Variants in SENP7 observed in about 807,000 individuals in gnomAD.
SENP7 encodes the protein sentrin-specific protease 7.
SENP7 carries 64 observed loss-of-function variants against 141.2 expected under a neutral mutation model. The ratio of observed to expected loss-of-function variants is 0.45; its 90% CI spans 0.37 to 0.56. The LOEUF is 0.56. Ranked by LOEUF, SENP7 falls within the 20% of genes least tolerant of loss-of-function variation. SENP7 has a pLI of 0.00. For missense variants in SENP7, 1,025 were observed against 1,212.2 expected, an observed-to-expected ratio of 0.85 and a Z score of 2.29; for synonymous variants, 382 against 426.4, an observed-to-expected ratio of 0.90 and a Z score of 1.28.
At chr3:101,438,430 T>C (rs1269867626) in intron 4 of SENP7, among the ~76,000 whole-genome samples, 1 of 151,910 alleles carries the variant, frequency 6.6e-6, no homozygotes, top group African/African-American at 2.4e-5. Flanking sequence ...GAGGGAGAAA[T>C]GGGAATTTAT....
intron 6 of SENP7, among the ~76,000 whole-genome samples, chr3:101,385,058 A>T (rs1199571890): frequency 6.6e-6 from 1 of 152,242 alleles, no homozygotes; most frequent in Non-Finnish European, 1.5e-5. Flanking sequence ...CTTATCAAAA[A>T]AAGTTTAATC....
At chr3:101,499,399 C>T (rs1266642908) in intron 2 of SENP7, among the ~76,000 whole-genome samples, 4 of 152,100 alleles carry the variant, frequency 2.6e-5, no homozygotes, top group Admixed American at 1.3e-4. Context: ...GACAGAGTCT[C>T]GCTCTGTCAC....
chr3:101,334,815 A>C (rs886459085), intron 17 of SENP7, among the ~76,000 whole-genome samples: 1 of 152,222 alleles, frequency 6.6e-6, no homozygotes, highest in African/African-American at 2.4e-5. Flanking sequence ...AGAATATATT[A>C]GACATAGAAT....
Position 101,386,185 on chromosome 3 carries a change from G to A in SENP7, c.677+12676C>T, listed in dbSNP as rs928502895. Among the ~76,000 whole-genome samples, 7 of 152,242 alleles carry A rather than the reference G, an allele frequency of 4.6e-5. No individual in the cohort carries two copies. In the South Asian group the frequency reaches 1.5e-3, roughly 32 times the overall value. ...AAAAATAACACTGTAATTCAGCAGA[G>A]AACTGACAGGGAATCTCTCAGGCAC... On this transcript the variant is annotated intron_variant, in intron 6 of 23. Coordinates refer to ENST00000394095, the MANE Select transcript of SENP7 (RefSeq NM_020654.5).
At chr3:101,335,682 T>C (rs973502906) in intron 17 of SENP7, among the ~76,000 whole-genome samples, 1 of 152,184 alleles carries the variant, frequency 6.6e-6, no homozygotes, top group Non-Finnish European at 1.5e-5. Flanking sequence ...AAGGTGAGTA[T>C]ACAAAATTCA....
chr3:101,343,617 C>A (rs1035000622), intron 14 of SENP7, 69 bp downstream of exon 14: 11 of 1,477,114 alleles, frequency 7.4e-6, no homozygotes, highest in Non-Finnish European at 9.1e-6. Flanking sequence ...TGAAAGCAGC[C>A]TAATATCAAT....
At chr3:101,495,889 C>T (rs1172823259) in intron 2 of SENP7, among the ~76,000 whole-genome samples, 3 of 152,122 alleles carry the variant, frequency 2.0e-5, no homozygotes, top group African/African-American at 7.2e-5. Flanking sequence ...GTACCCCGAG[C>T]TTAAATAAAA....
intron 2 of SENP7, among the ~76,000 whole-genome samples, chr3:101,497,063 A>C (rs987876380): frequency 2.0e-5 from 3 of 152,232 alleles, no homozygotes; most frequent in African/African-American, 7.2e-5. Flanking sequence ...ACACTAACAC[A>C]ACTTTATATA....
chr3:101,424,352 T>C (rs2061885901), intron 4 of SENP7, among the ~76,000 whole-genome samples: 1 of 139,826 alleles, frequency 7.2e-6, no homozygotes, highest in African/African-American at 2.7e-5. Context: ...GATGTATATG[T>C]GTGCAGGAGG....
In SENP7 at chr3:101,366,511, C is replaced by G; in HGVS notation, c.1237G>C (p.Glu413Gln). The change falls in exon 9 of 24, where the codon GAG becomes CAG. Residue 413 changes from glutamate to glutamine, a missense_variant. By Grantham distance (29) the Glu-to-Gln change is conservative. Around this residue, in one of 4 missense-constraint regions of SENP7, gnomAD observed 496 missense variants for 503.5 expected, o/e 0.99. Transcript: ENST00000394095. ...VGISSLVEKD[E>Q]NELNTIEKPI... ...TTTTCTATGGTATTCAACTCATTCT[C>G]ATCCTTCTCAACCAGGGAAGAAATC... 1.9e-6 allele frequency: 3 copies of G among 1,613,856 alleles called. No individual in the cohort carries two copies. Among genetic ancestry groups the G allele is most frequent in the Non-Finnish European group, 2.5e-6 (3 of 1,179,774 alleles).
At chr3:101,341,840 A>T in intron 14 of SENP7, 61 bp from the exon 15 acceptor site, 1 of 1,488,716 alleles carries the variant, frequency 6.7e-7, no homozygotes, top group Non-Finnish European at 9.1e-7. Context: ...GAACAAAGTC[A>T]AAACGTAGAC....
chr3:101,374,244 A>G (rs185580449), intron 6 of SENP7, among the ~76,000 whole-genome samples: 13 of 152,260 alleles, frequency 8.5e-5, no homozygotes, highest in Non-Finnish European at 1.8e-4. Context: ...TGAACATAGG[A>G]TAGTCATATG....
intron 4 of SENP7, among the ~76,000 whole-genome samples, chr3:101,418,221 A>T (rs567422952): frequency 6.6e-6 from 1 of 152,300 alleles, no homozygotes; most frequent in East Asian, 1.9e-4. Flanking sequence ...CATCACTTAC[A>T]TTCTTAAGGC....
intron 6 of SENP7, among the ~76,000 whole-genome samples, chr3:101,398,034 A>G (rs2107575120): frequency 6.6e-6 from 1 of 152,344 alleles, no homozygotes; most frequent in East Asian, 1.9e-4. Context: ...ACATTTGTCA[A>G]TGGAATTCAG....
intron 3 of SENP7, among the ~76,000 whole-genome samples, chr3:101,463,374 T>TATATACATATATATATATATAC (rs1559864856): frequency 1.2e-5 from 1 of 86,006 alleles, no homozygotes; most frequent in Non-Finnish European, 2.2e-5. Context: ...AATATATATA[T>TATATACATATATATATATATAC]ATATATATAT....
intron 4 of SENP7, among the ~76,000 whole-genome samples, chr3:101,432,008 G>A (rs1489082152): frequency 6.6e-6 from 1 of 152,166 alleles, no homozygotes; most frequent in African/African-American, 2.4e-5. Flanking sequence ...ATTCCAGGAC[G>A]TGACCCTATG....
intron 4 of SENP7, among the ~76,000 whole-genome samples, chr3:101,445,536 A>G (rs182817583): frequency 6.6e-6 from 1 of 152,336 alleles, no homozygotes; most frequent in East Asian, 1.9e-4. Context: ...ACAAAATGAC[A>G]AATGTCTTTA....
At chr3:101,401,539 A>AT (rs397722537) in intron 5 of SENP7, among the ~76,000 whole-genome samples, 1 of 147,930 alleles carries the variant, frequency 6.8e-6, no homozygotes, top group Admixed American at 6.7e-5. Context: ...AAAAAAAAAA[A>AT]GGAAAAAAAA....
At chr3:101,482,694 T>C (rs564841840) in intron 3 of SENP7, among the ~76,000 whole-genome samples, 1 of 152,220 alleles carries the variant, frequency 6.6e-6, no homozygotes, top group African/African-American at 2.4e-5. Flanking sequence ...GAGTGTGGTA[T>C]GGGTGAAAGA....
Sources: gnomAD v4.1 joint callset for allele counts (sites outside exome capture counted in the v4.1 genomes callset) on GRCh38, gnomAD v4.1.1 for gene constraint, gnomAD v4.1.1 regional missense constraint, MANE v1.5 for transcripts, NCBI Gene and HGNC (gene_info 2026-07-23, HGNC 2026-07-21) for gene names.